The following MED13 variants were observed in gnomAD, a reference collection of about 807,000 sequenced individuals.
The protein encoded by MED13 is mediator of RNA polymerase II transcription subunit 13.
Under a neutral mutation model 225.2 loss-of-function variants are expected in MED13, and 23 were observed. The observed-to-expected ratio is 0.10, with a 90% CI of 0.07 to 0.14. The LOEUF (loss-of-function observed/expected upper bound fraction) is 0.14, where lower values mean the gene tolerates loss of function less well. Among genes scored for constraint, MED13 ranks in the 10% least tolerant of loss-of-function variants. The pLI is 1.00. For missense variants in MED13, 2,197 were observed against 2,594.5 expected (o/e 0.85, Z 3.33); for synonymous variants, 942 against 889.2 (o/e 1.06, Z -1.06).
chr17:62,040,382 A>G (rs903070260), intron 3 of MED13, among the ~76,000 whole-genome samples: 18 of 152,222 alleles, frequency 1.2e-4, no homozygotes, highest in Admixed American at 1.2e-3. Context: ...TATAAATGAA[A>G]CTTGAACAAT....
At chr17:62,021,956 C>G (rs2080652190) in intron 8 of MED13, among the ~76,000 whole-genome samples, 1 of 151,936 alleles carries the variant, frequency 6.6e-6, no homozygotes, top group African/African-American at 2.4e-5. Context: ...CATTTGAGGT[C>G]AGGAGTTTGA....
Position 61,944,492 on chromosome 17 carries a change from C to T in MED13, c.*1976G>A, listed in dbSNP as rs1316102792. 1 of 151,334 alleles carries T rather than the reference C, an allele frequency of 6.6e-6. No homozygotes were observed. The highest frequency in any genetic ancestry group is 2.4e-5 in the African/African-American group (1 of 41,154). 9.4% of individuals were successfully genotyped at this position (151,334 alleles called of 1,614,324 possible). ...TCTTTAAATTTAATATCAAAATATG[C>T]TGACCATTAGAACTGCATTATAATT... On this transcript the variant is annotated 3_prime_UTR_variant, in exon 30 of 30. Coordinates refer to ENST00000397786, the MANE Select transcript of MED13 (RefSeq NM_005121.3).
At chr17:61,950,164 A>G (rs1482488590) in intron 28 of MED13, among the ~76,000 whole-genome samples, 2 of 152,148 alleles carry the variant, frequency 1.3e-5, no homozygotes, top group East Asian at 3.8e-4. Context: ...CTAGAAAATG[A>G]GAAGGTTAGA....
intron 4 of MED13, 98 bp from the exon 5 acceptor site, chr17:62,034,082 A>G: frequency 1.0e-6 from 1 of 987,694 alleles, no homozygotes; most frequent in Non-Finnish European, 1.5e-6. Flanking sequence ...CAATTATAAA[A>G]AAGAAAAGGA....
At chr17:61,954,387 C>A (rs980242430) in intron 26 of MED13, among the ~76,000 whole-genome samples, 2 of 152,158 alleles carry the variant, frequency 1.3e-5, no homozygotes, top group African/African-American at 4.8e-5. Flanking sequence ...GGCAAATCAA[C>A]ATAAGAGATA....
chr17:62,009,441 AC>A (rs1207461248), intron 9 of MED13, among the ~76,000 whole-genome samples: 1 of 152,236 alleles, frequency 6.6e-6, no homozygotes, highest in Non-Finnish European at 1.5e-5. Context: ...AAGTCACAGA[AC>A]AGGAAACCTA....
Position 62,016,209 on chromosome 17 carries a change from C to T in MED13, c.1284-4976G>A, listed in dbSNP as rs184893864. On this transcript the variant is annotated intron_variant, in intron 8 of 29. Coordinates refer to ENST00000397786, the MANE Select transcript of MED13 (RefSeq NM_005121.3). ...AAAAAACCCAGCAGGTCCTACCCAA[C>T]GTATGAATAATCCCTTCTCTTTTTT... Among the ~76,000 whole-genome samples, 5 of 148,344 alleles carry T rather than the reference C, an allele frequency of 3.4e-5. 1 individual carries two copies. Among genetic ancestry groups the T allele is most frequent in the East Asian group, 2.0e-4 (1 of 4,988 alleles).
chr17:62,048,066 A>G (rs7208259), intron 3 of MED13, among the ~76,000 whole-genome samples: 1 of 144,024 alleles, frequency 6.9e-6, no homozygotes, highest in African/African-American at 2.6e-5. Flanking sequence ...ATATATATGT[A>G]TATATGTATA....
rs1175333247 is a variant in MED13 at position 62,033,811 on chromosome 17, A to C, written c.790T>G (p.Leu264Val). Residue 264 changes from leucine (L) to valine (V), a missense_variant, in exon 5 of 30, where the codon TTA becomes GTA. Leu to Val is a conservative substitution (Grantham distance 32). This residue lies in a region of MED13 where 884 missense variants were observed against 918.5 expected (regional missense o/e 0.96). Transcript: ENST00000397786. ...QEDMDWEDDSLAAVEVLVAGV... is the reference protein window; with the variant it reads ...QEDMDWEDDSVAAVEVLVAGV... ...CCAACAAGAACTTCTACTGCAGCTAAAGAATCATCTTCCCAATCCATATCT... is the reference window on the plus strand; with the variant it reads ...CCAACAAGAACTTCTACTGCAGCTACAGAATCATCTTCCCAATCCATATCT... 6.2e-7 allele frequency: 1 copy of C among 1,614,010 alleles called. No homozygotes were observed. The highest frequency in any genetic ancestry group is 8.5e-7 in the Non-Finnish European group (1 of 1,180,018).
intron 3 of MED13, among the ~76,000 whole-genome samples, chr17:62,046,259 C>T (rs1426647880): frequency 2.0e-5 from 3 of 152,076 alleles, no homozygotes; most frequent in African/African-American, 7.2e-5. Context: ...GATTTTTGTC[C>T]TACTTGCTTT....
At chr17:62,032,181 C>CA (rs1038151132) in intron 5 of MED13, among the ~76,000 whole-genome samples, 54 of 150,410 alleles carry the variant, frequency 3.6e-4, no homozygotes, top group African/African-American at 1.1e-3. Flanking sequence ...CAAACAACAA[C>CA]AAAAAAAACA....
chr17:62,039,278 G>C (rs577568476), intron 3 of MED13, among the ~76,000 whole-genome samples: 3 of 152,178 alleles, frequency 2.0e-5, no homozygotes, highest in African/African-American at 7.2e-5. Context: ...GATACTGGAG[G>C]GAAACAATAT....
chr17:62,040,393 CTTCCATCGTGGAAAAAAAAG>C (rs1390404897), intron 3 of MED13, among the ~76,000 whole-genome samples: 1 of 152,170 alleles, frequency 6.6e-6, no homozygotes, highest in Non-Finnish European at 1.5e-5. Flanking sequence ...CTTGAACAAT[CTTCCATCGTGGAAAAAAAAG>C]TTCCTCAAAT....
intron 8 of MED13, among the ~76,000 whole-genome samples, chr17:62,027,718 A>G (rs996161072): frequency 6.6e-6 from 1 of 152,146 alleles, no homozygotes; most frequent in African/African-American, 2.4e-5. Context: ...AAAAAACTTA[A>G]ATTTATATAT....
At chr17:61,990,225 C>T (rs2080283778) in intron 11 of MED13, among the ~76,000 whole-genome samples, 1 of 151,922 alleles carries the variant, frequency 6.6e-6, no homozygotes, top group Non-Finnish European at 1.5e-5. Context: ...CCCACACGCA[C>T]AAAAAAGGTA....
In MED13 at chr17:61,982,999, G is replaced by A; in HGVS notation, c.3004C>T (p.Pro1002Ser). Residue 1002 changes from proline (P) to serine (S), a missense_variant, in exon 16 of 30, where the codon CCT (proline) becomes TCT (serine). Pro to Ser is a moderately conservative substitution (Grantham distance 74). Transcript: ENST00000397786. ...GGAAACCGAGGGGTGGATGGAGAAGGAAGAATTCCTGCTCCGCTGTTACTA... is the reference window on the plus strand; with the variant it reads ...GGAAACCGAGGGGTGGATGGAGAAGAAAGAATTCCTGCTCCGCTGTTACTA... ...PPSNSGAGIL[P>S]SPSTPRFPTP... 4 of 1,614,090 alleles carry A rather than the reference G, an allele frequency of 2.5e-6. No homozygotes were observed. The highest frequency in any genetic ancestry group is 3.4e-6 in the Non-Finnish European group (4 of 1,180,000).
At chr17:62,008,004 G>C (rs1183571128) in intron 9 of MED13, among the ~76,000 whole-genome samples, 1 of 108,958 alleles carries the variant, frequency 9.2e-6, no homozygotes, top group African/African-American at 4.7e-5. Context: ...GGAGGAAAGA[G>C]CGAGACTGTC....
At chr17:62,008,744 A>G (rs2080478606) in intron 9 of MED13, among the ~76,000 whole-genome samples, 1 of 152,146 alleles carries the variant, frequency 6.6e-6, no homozygotes, top group East Asian at 1.9e-4. Flanking sequence ...GCAAAACCAA[A>G]AAGAAGCCAC....
intron 29 of MED13, 51 bp from the exon 30 acceptor site, chr17:61,946,651 T>A (rs1371345487): frequency 6.3e-7 from 1 of 1,596,288 alleles, no homozygotes; most frequent in East Asian, 2.2e-5. Flanking sequence ...CAACCTAGAT[T>A]TTGGAAGCAG....
Sources: allele counts gnomAD v4.1 joint callset (sites outside exome capture counted in the v4.1 genomes callset), GRCh38; gene constraint gnomAD v4.1.1; regional missense constraint gnomAD v4.1.1; transcripts MANE v1.5; gene names NCBI Gene and HGNC (gene_info 2026-07-23, HGNC 2026-07-21).